SORCS3: variants seen among roughly 807,000 people sequenced by gnomAD.
SORCS3 encodes VPS10 domain-containing receptor SorCS3.
In SORCS3, 57 loss-of-function variants were observed where a neutral mutation model predicts 146.3. That is an observed-to-expected ratio of 0.39 (90% confidence interval 0.31 to 0.49). SORCS3 has a LOEUF of 0.49. Ranked by LOEUF, SORCS3 falls within the 20% of genes least tolerant of loss-of-function variation. SORCS3 has a pLI of 0.92. For missense variants in SORCS3, 1,341 were observed against 1,575.5 expected, an observed-to-expected ratio of 0.85 and a Z score of 2.52; for synonymous variants, 653 against 618.5, an observed-to-expected ratio of 1.06 and a Z score of -0.83.
intron 1 of SORCS3, among the ~76,000 whole-genome samples, chr10:104,647,766 T>A (rs748565668): frequency 1.2e-4 from 19 of 152,324 alleles, no homozygotes; most frequent in South Asian, 2.1e-4. Context: ...TTTAGACAAC[T>A]GGTGTATTAT....
intron 4 of SORCS3, among the ~76,000 whole-genome samples, chr10:105,032,311 C>T (rs193044161): frequency 2.8e-4 from 42 of 152,276 alleles, no homozygotes; most frequent in Admixed American, 2.7e-3. Flanking sequence ...TCCTAAAACC[C>T]TTGGAACTTC....
chr10:105,048,539 G>A (rs1288784427), intron 5 of SORCS3, among the ~76,000 whole-genome samples: 2 of 117,104 alleles, frequency 1.7e-5, no homozygotes, highest in Non-Finnish European at 3.4e-5. Context: ...CTGTTGTGGG[G>A]TGGGGGGAGG....
intron 1 of SORCS3, among the ~76,000 whole-genome samples, chr10:104,761,528 C>A (rs889019230): frequency 4.6e-5 from 7 of 152,122 alleles, no homozygotes; most frequent in Non-Finnish European, 1.0e-4. Flanking sequence ...CATCCCCCAC[C>A]CCAAACCTTA....
chr10:104,866,968 C>T (rs1338430583), intron 2 of SORCS3, among the ~76,000 whole-genome samples: 1 of 152,164 alleles, frequency 6.6e-6, no homozygotes, highest in Non-Finnish European at 1.5e-5. Flanking sequence ...CTCTCACATC[C>T]TTGTTTTATT....
At chr10:104,777,049 G>A (rs2017317906) in intron 1 of SORCS3, among the ~76,000 whole-genome samples, 1 of 152,034 alleles carries the variant, frequency 6.6e-6, no homozygotes, top group South Asian at 2.1e-4. Context: ...TACATGCCCA[G>A]GTCACAGTGG....
chr10:105,174,614 C>T (rs192712616), intron 13 of SORCS3, among the ~76,000 whole-genome samples: 1 of 152,194 alleles, frequency 6.6e-6, no homozygotes, highest in East Asian at 1.9e-4. Context: ...GGTCTCAGAT[C>T]GCCCTAGCTC....
In SORCS3 at chr10:105,134,957, A is replaced by T. The variant is rs562600285; in HGVS notation, c.1213-4440A>T. ...TCCAGCTGCAAGCCTGTGAAATCAA[A>T]CAAGTTATGTGCCTCTGAAATACAA... On this transcript the variant is annotated intron_variant, in intron 7 of 26. Transcript: ENST00000369701. Among the ~76,000 whole-genome samples the T allele has an allele frequency of 2.7e-4, 41 of 152,204 alleles. 1 individual carries two copies. The South Asian group carries it at 5.6e-3, about 21-fold the overall frequency.
chr10:105,188,562 TG>T, intron 14 of SORCS3, among the ~76,000 whole-genome samples: 1 of 152,272 alleles, frequency 6.6e-6, no homozygotes, highest in African/African-American at 2.4e-5. Flanking sequence ...GAGGTAAGAA[TG>T]GGAAATAGAC....
rs1175322621 is a variant in SORCS3, at chr10:105,264,487, C to G, written c.*1113C>G. The G allele has an allele frequency of 6.6e-6, 1 of 152,254 alleles. No individual in the cohort carries two copies. Among genetic ancestry groups the G allele is most frequent in the African/African-American group, 2.4e-5 (1 of 41,408 alleles). 9.4% of individuals were successfully genotyped at this position (152,254 alleles called of 1,614,324 possible). A position where few individuals can be genotyped will look rare whatever the true frequency, so the allele number is the denominator to read the frequency against. ...AAAGTCCCCTGGGCACTAGGTAAAG[C>G]CCAGTGAATGTCTCTTGGCATGGGA... On this transcript the variant is annotated 3_prime_UTR_variant, in exon 27 of 27. Coordinates refer to ENST00000369701, the MANE Select transcript of SORCS3 (RefSeq NM_014978.3).
intron 2 of SORCS3, among the ~76,000 whole-genome samples, chr10:104,863,049 C>T (rs139505597): frequency 5.3e-5 from 8 of 152,254 alleles, no homozygotes; most frequent in East Asian, 1.9e-4. Context: ...CAAGTAGGTA[C>T]GTTATACTCT....
chr10:105,018,207 G>A, intron 4 of SORCS3, among the ~76,000 whole-genome samples: 1 of 152,198 alleles, frequency 6.6e-6, no homozygotes, highest in Non-Finnish European at 1.5e-5. Context: ...TTTGTTCTCA[G>A]GCGACGTTCC....
intron 1 of SORCS3, among the ~76,000 whole-genome samples, chr10:104,812,990 A>G (rs1001332330): frequency 6.6e-6 from 1 of 152,190 alleles, no homozygotes; most frequent in African/African-American, 2.4e-5. Flanking sequence ...TCTAACTTCA[A>G]AACACAGGGC....
intron 5 of SORCS3, among the ~76,000 whole-genome samples, chr10:105,049,997 A>G (rs2055399739): frequency 6.6e-6 from 1 of 151,346 alleles, no homozygotes; most frequent in Non-Finnish European, 1.5e-5. Context: ...ACACTAGAAA[A>G]ACTATATATG....
chr10:104,656,945 C>A (rs1350664756), intron 1 of SORCS3, among the ~76,000 whole-genome samples: 1 of 152,178 alleles, frequency 6.6e-6, no homozygotes, highest in Non-Finnish European at 1.5e-5. Context: ...CTCTTTATAA[C>A]TCCCTTTGTA....
intron 1 of SORCS3, among the ~76,000 whole-genome samples, chr10:104,733,526 T>A: frequency 6.7e-6 from 1 of 148,706 alleles, no homozygotes; most frequent in East Asian, 1.9e-4. Flanking sequence ...ATTAATTTTT[T>A]TTTTTTTTTT....
At chr10:105,169,465 C>T (rs1308041441) in intron 13 of SORCS3, among the ~76,000 whole-genome samples, 1 of 151,944 alleles carries the variant, frequency 6.6e-6, no homozygotes, top group Non-Finnish European at 1.5e-5. Context: ...TCTCCTGCAG[C>T]AGGTGATGTG....
At chr10:105,177,784 C>T (rs545155975) in intron 13 of SORCS3, among the ~76,000 whole-genome samples, 115 of 152,188 alleles carry the variant, frequency 7.6e-4, no homozygotes, top group African/African-American at 2.3e-3. Context: ...GTACTTGAAA[C>T]GTGACATTCC....
chr10:105,109,685 A>G (rs73352280), intron 7 of SORCS3, among the ~76,000 whole-genome samples: 17,117 of 152,056 alleles, frequency 0.11, 1,057 homozygotes, highest in East Asian at 0.17. Flanking sequence ...CATATTTTTC[A>G]TTAAGGCATC....
intron 20 of SORCS3, among the ~76,000 whole-genome samples, chr10:105,241,585 T>C (rs2056823895): frequency 6.6e-6 from 1 of 152,104 alleles, no homozygotes; most frequent in African/African-American, 2.4e-5. Context: ...TTGTCTGGCA[T>C]CCAAGAAGAA....
Sources: gnomAD v4.1 joint callset for allele counts (sites outside exome capture counted in the v4.1 genomes callset) on GRCh38, gnomAD v4.1.1 for gene constraint, MANE v1.5 for transcripts, NCBI Gene and HGNC (gene_info 2026-07-23, HGNC 2026-07-21) for gene names.